Variants in TRAPPC9 observed in about 807,000 individuals in gnomAD.
The protein encoded by TRAPPC9 is trafficking protein particle complex subunit 9.
Under a neutral mutation model 124.0 loss-of-function variants are expected in TRAPPC9, and 83 were observed. The observed-to-expected ratio is 0.67, with a 90% CI of 0.56 to 0.80. TRAPPC9 has a LOEUF of 0.80. TRAPPC9 is among the 30% of genes least tolerant of loss of function. The pLI, the probability that TRAPPC9 is intolerant of heterozygous loss-of-function variation, is 0.00. For missense variants in TRAPPC9, 1,302 were observed against 1,508.3 expected, an observed-to-expected ratio of 0.86 and a Z score of 2.27; for synonymous variants, 638 against 617.5, an observed-to-expected ratio of 1.03 and a Z score of -0.49.
At chr8:139,731,875 C>T (rs968245916) in intron 22 of TRAPPC9, 104 bp downstream of exon 22, 13 of 1,060,958 alleles carry the variant, frequency 1.2e-5, no homozygotes, top group Non-Finnish European at 1.6e-5. Flanking sequence ...CTGCTGCTAT[C>T]GTCTGCTGGA....
At chr8:139,791,082 C>T (rs1822625833) in intron 21 of TRAPPC9, among the ~76,000 whole-genome samples, 1 of 152,168 alleles carries the variant, frequency 6.6e-6, no homozygotes, top group South Asian at 2.1e-4. Flanking sequence ...ATAAGCCACC[C>T]AGCCTCAGGT....
chr8:140,153,965 T>A (rs1043321009), intron 17 of TRAPPC9, among the ~76,000 whole-genome samples: 1 of 152,078 alleles, frequency 6.6e-6, no homozygotes, highest in African/African-American at 2.4e-5. Flanking sequence ...TGAACACCCT[T>A]CCCTACTATT....
chr8:140,135,792 G>T (rs193135434), intron 17 of TRAPPC9, among the ~76,000 whole-genome samples: 1 of 152,284 alleles, frequency 6.6e-6, no homozygotes, highest in Non-Finnish European at 1.5e-5. Context: ...TACAAATGTC[G>T]CAATACAATT....
At chr8:139,834,017 G>A (rs1586946609) in intron 21 of TRAPPC9, among the ~76,000 whole-genome samples, 3 of 152,184 alleles carry the variant, frequency 2.0e-5, no homozygotes, top group East Asian at 1.9e-4. Context: ...TACCAGCCAC[G>A]TGGCTTTGGT....
At chr8:140,083,868 T>C (rs1466076234) in intron 17 of TRAPPC9, among the ~76,000 whole-genome samples, 1 of 152,124 alleles carries the variant, frequency 6.6e-6, no homozygotes, top group Non-Finnish European at 1.5e-5. Flanking sequence ...GGTTTCACCA[T>C]GTTGACCAGG....
rs940346087 is a variant in TRAPPC9, at chr8:140,257,620, T to C, written c.2279-4691A>G. ...TCCTAGCATGGGGGGTCCCTGAATA[T>C]GCCGAATGCTTTCTTAAGTCCAGAA... On this transcript the variant is annotated intron_variant, in intron 15 of 22. Coordinates refer to ENST00000438773, the MANE Select transcript of TRAPPC9 (RefSeq NM_001160372.4). The surrounding 1 kb of genome is among the most constrained non-coding windows in gnomAD (Gnocchi z 4.6). Among the ~76,000 whole-genome samples the C allele has an allele frequency of 2.3e-4, 35 of 152,188 alleles. No individual in the cohort carries two copies. Among genetic ancestry groups the C allele is most frequent in the Non-Finnish European group, 1.2e-4 (8 of 68,034 alleles).
intron 19 of TRAPPC9, among the ~76,000 whole-genome samples, chr8:139,955,205 T>C (rs997827962): frequency 6.6e-6 from 1 of 152,020 alleles, no homozygotes; most frequent in African/African-American, 2.4e-5. Flanking sequence ...CCTCCTACCC[T>C]CACCTCCCCG....
At chr8:140,429,292 A>G (rs1450674893) in intron 4 of TRAPPC9, among the ~76,000 whole-genome samples, 1 of 151,990 alleles carries the variant, frequency 6.6e-6, no homozygotes, top group East Asian at 1.9e-4. Context: ...GGGTTTTACC[A>G]TATTGGCCAG....
At chr8:140,001,231 A>T (rs756272009) in intron 18 of TRAPPC9, among the ~76,000 whole-genome samples, 2 of 151,926 alleles carry the variant, frequency 1.3e-5, no homozygotes, top group African/African-American at 2.4e-5. Flanking sequence ...AGGGCCTGTC[A>T]CGCACACCAG....
At chr8:139,845,352 C>G (rs536418773) in intron 21 of TRAPPC9, among the ~76,000 whole-genome samples, 8 of 152,134 alleles carry the variant, frequency 5.3e-5, no homozygotes, top group Admixed American at 4.6e-4. Flanking sequence ...CTGGCCCAGG[C>G]CTTTATAAAC....
At chr8:140,352,814 G>A (rs961341817) in intron 9 of TRAPPC9, among the ~76,000 whole-genome samples, 9 of 152,106 alleles carry the variant, frequency 5.9e-5, no homozygotes. Flanking sequence ...CAGCCCTTTG[G>A]GGTGATTCTG....
chr8:140,216,708 C>G lies in TRAPPC9; in HGVS notation c.2556+4751G>C, dbSNP rs2063204445. On this transcript the variant is annotated intron_variant, in intron 17 of 22. Transcript: ENST00000438773. This position sits in a 1 kb window ranked among gnomAD's most constrained non-coding sequence, Gnocchi z 4.1. ...AGACTTCAGGGGCCTCTGCACCTGC[C>G]AGCCGCAGGTTCGGGAATGCCCTCT... Among the ~76,000 whole-genome samples the G allele has an allele frequency of 6.6e-6, 1 of 152,192 alleles. No individual in the cohort carries two copies. The highest frequency in any genetic ancestry group is 1.5e-5 in the Non-Finnish European group (1 of 68,038).
chr8:140,392,615 C>T (rs1013514231), intron 7 of TRAPPC9, among the ~76,000 whole-genome samples: 3 of 152,182 alleles, frequency 2.0e-5, no homozygotes, highest in African/African-American at 7.2e-5. Flanking sequence ...GACACAGCGC[C>T]GAGTGCCTGG....
intron 17 of TRAPPC9, among the ~76,000 whole-genome samples, chr8:140,060,230 C>T (rs2132133808): frequency 6.6e-6 from 1 of 152,326 alleles, no homozygotes; most frequent in Admixed American, 6.5e-5. Context: ...AAGTAGGGGG[C>T]TTTTCTGTGG....
intron 2 of TRAPPC9, among the ~76,000 whole-genome samples, chr8:140,440,283 G>A (rs1354534193): frequency 1.3e-5 from 2 of 152,164 alleles, no homozygotes; most frequent in East Asian, 1.9e-4. Flanking sequence ...CGAGGCGGGC[G>A]GATCACAAGG....
intron 17 of TRAPPC9, among the ~76,000 whole-genome samples, chr8:140,123,059 T>C (rs2061017287): frequency 6.6e-6 from 1 of 152,240 alleles, no homozygotes; most frequent in Non-Finnish European, 1.5e-5. Context: ...TCTGTTTGGA[T>C]GTCACACAGA....
At chr8:140,039,335 T>C (rs1203264936) in intron 17 of TRAPPC9, among the ~76,000 whole-genome samples, 2 of 152,214 alleles carry the variant, frequency 1.3e-5, no homozygotes, top group African/African-American at 4.8e-5. Context: ...CAGAGGACAC[T>C]TTCTTGTTAA....
chr8:139,982,427 T>G (rs1836971022), intron 19 of TRAPPC9, among the ~76,000 whole-genome samples: 1 of 152,096 alleles, frequency 6.6e-6, no homozygotes, highest in Admixed American at 6.5e-5. Flanking sequence ...CCACTCCCTG[T>G]AGAACTCCCT....
intron 17 of TRAPPC9, among the ~76,000 whole-genome samples, chr8:140,059,289 G>A (rs963738701): frequency 1.3e-5 from 2 of 152,184 alleles, no homozygotes; most frequent in Admixed American, 6.5e-5. Context: ...TTCTTAAGTG[G>A]AGCAGCAGCT....
Sources: allele counts gnomAD v4.1 joint callset (sites outside exome capture counted in the v4.1 genomes callset), GRCh38; gene constraint gnomAD v4.1.1; non-coding constraint Gnocchi (gnomAD v3.1); transcripts MANE v1.5; gene names NCBI Gene and HGNC (gene_info 2026-07-23, HGNC 2026-07-21).